Variants in PLS1 observed in about 807,000 individuals in gnomAD.
The protein encoded by PLS1 is plastin-1.
A neutral mutation model predicts 73.7 loss-of-function variants in PLS1; 32 were observed. The observed-to-expected ratio is 0.43, with a 90% CI of 0.33 to 0.58. The LOEUF (loss-of-function observed/expected upper bound fraction) is 0.58, where lower values mean the gene tolerates loss of function less well. Ranked by LOEUF, PLS1 falls within the 20% of genes least tolerant of loss-of-function variation. The pLI is 0.04. For synonymous variants in PLS1, 217 were observed against 261.3 expected, an observed-to-expected ratio of 0.83 and a Z score of 1.63; for missense variants, 633 against 740.5, an observed-to-expected ratio of 0.85 and a Z score of 1.68.
chr3:142,660,189 A>G (rs1175290480), intron 1 of PLS1, among the ~76,000 whole-genome samples: 1 of 152,188 alleles, frequency 6.6e-6, no homozygotes, highest in African/African-American at 2.4e-5. Context: ...CTGAATTGCC[A>G]TGAGACTAAC....
At chr3:142,626,241 C>A (rs968926606) in intron 1 of PLS1, among the ~76,000 whole-genome samples, 1 of 152,130 alleles carries the variant, frequency 6.6e-6, no homozygotes, top group Non-Finnish European at 1.5e-5. Flanking sequence ...GATGGAAAAT[C>A]AGGAAGCGAG....
chr3:142,694,540 T>G lies in PLS1; in HGVS notation c.1249T>G (p.Leu417Val). Residue 417 changes from leucine to valine, a missense_variant, in exon 11 of 16, where the codon TTG becomes GTG. Physicochemically the swap from Leu to Val is conservative, Grantham distance 32 (BLOSUM62 1). Coordinates refer to ENST00000457734, the MANE Select transcript of PLS1 (RefSeq NM_001145319.2). The part of the protein sequence containing the change: ...SLGVNPYINH[L>V]YSDLADALVI... ...GGGAGTCAACCCATACATTAATCAT[T>G]TGTACAGGTAAATATTTTATTGTGC... is the stretch of plus-strand genomic sequence containing the variant. 1 of 1,569,800 alleles carries G rather than the reference T, an allele frequency of 6.4e-7. No individual in the cohort carries two copies. The highest frequency in any genetic ancestry group is 8.8e-7 in the Non-Finnish European group (1 of 1,140,294).
rs193040686 is a variant in PLS1, at chr3:142,700,532, C to T, written c.1371+2465C>T. The stretch of plus-strand genomic sequence containing the variant: ...TACAGACGGGGTTTCACCGTGTTAG[C>T]CAGGATGGTCTTGTCTCCTGACCTC... On this transcript the variant is annotated intron_variant, in intron 12 of 15. Transcript: ENST00000457734. Among the ~76,000 whole-genome samples, 3 of 152,128 alleles carry T rather than the reference C, an allele frequency of 2.0e-5. No homozygotes were observed. In the East Asian group the frequency reaches 5.8e-4, roughly 29 times the overall value.
At chr3:142,691,208 T>C (rs1192408632) in intron 10 of PLS1, among the ~76,000 whole-genome samples, 1 of 152,058 alleles carries the variant, frequency 6.6e-6, no homozygotes, top group Non-Finnish European at 1.5e-5. Flanking sequence ...AATATATTCT[T>C]CAAAGAATAT....
chr3:142,645,299 A>T (rs575205100), intron 1 of PLS1: 1 of 152,324 alleles, frequency 6.6e-6, no homozygotes. Flanking sequence ...TTAATAGGGA[A>T]GGCCAGCGTT....
In PLS1 at chr3:142,643,031, A is replaced by G. The variant is rs553268413; in HGVS notation, c.-36-21171A>G. 9.9e-5 allele frequency among the ~76,000 whole-genome samples: 15 copies of G among 152,250 alleles called. No homozygotes were observed. The South Asian group carries it at 3.1e-3, about 32-fold the overall frequency. ...TTCTTTTGTTATTTGCTGTCTTCCT[A>G]TTGCCTCCCAAAAGAGTTGGATCTT... On this transcript the variant is annotated intron_variant, in intron 1 of 15. Transcript: ENST00000457734.
chr3:142,622,089 C>T (rs748343882), intron 1 of PLS1, among the ~76,000 whole-genome samples: 3 of 152,152 alleles, frequency 2.0e-5, no homozygotes, highest in Non-Finnish European at 4.4e-5. Flanking sequence ...CTCTGGACCA[C>T]GTGGACAGAA....
intron 1 of PLS1, among the ~76,000 whole-genome samples, chr3:142,604,892 G>A (rs1433524120): frequency 3.3e-5 from 5 of 151,724 alleles, no homozygotes; most frequent in South Asian, 2.1e-4. Flanking sequence ...CTGAGATCAC[G>A]GCACTGCATC....
intron 10 of PLS1, among the ~76,000 whole-genome samples, chr3:142,691,517 G>A (rs181453462): frequency 2.2e-4 from 33 of 152,108 alleles, no homozygotes; most frequent in Middle Eastern, 3.4e-3. Context: ...CAACTTGCTC[G>A]CTTTCTTATT....
intron 14 of PLS1, among the ~76,000 whole-genome samples, chr3:142,711,123 T>A (rs975129883): frequency 4.6e-5 from 7 of 152,174 alleles, no homozygotes; most frequent in Non-Finnish European, 8.8e-5. Context: ...CTGAAAAATA[T>A]TAAGGGAAGG....
chr3:142,640,726 G>T (rs1346476405), intron 1 of PLS1, among the ~76,000 whole-genome samples: 3 of 152,134 alleles, frequency 2.0e-5, no homozygotes, highest in African/African-American at 4.8e-5. Context: ...GTGTGGTTGG[G>T]TGGTGTCTGA....
chr3:142,614,119 AGTCAG>A (rs2036170758), intron 1 of PLS1, among the ~76,000 whole-genome samples: 1 of 152,164 alleles, frequency 6.6e-6, no homozygotes, highest in Non-Finnish European at 1.5e-5. Flanking sequence ...ACCCTCTGTG[AGTCAG>A]GCCACTTTGG....
chr3:142,619,068 G>A (rs1355255334), intron 1 of PLS1, among the ~76,000 whole-genome samples: 1 of 152,196 alleles, frequency 6.6e-6, no homozygotes, highest in Non-Finnish European at 1.5e-5. Flanking sequence ...TGATGTACAT[G>A]AGAAAATGTG....
intron 1 of PLS1, among the ~76,000 whole-genome samples, chr3:142,651,893 G>A (rs2108640413): frequency 1.3e-5 from 2 of 152,366 alleles, no homozygotes; most frequent in South Asian, 4.1e-4. Flanking sequence ...GTCCACAGGA[G>A]TTCAGCAGTG....
chr3:142,645,981 G>A (rs2036945253), intron 1 of PLS1, among the ~76,000 whole-genome samples: 2 of 152,140 alleles, frequency 1.3e-5, no homozygotes, highest in Non-Finnish European at 2.9e-5. Context: ...TGTAGGCATG[G>A]AAGGGGCTTG....
At chr3:142,661,774 A>C (rs1306833250) in intron 1 of PLS1, among the ~76,000 whole-genome samples, 1 of 152,212 alleles carries the variant, frequency 6.6e-6, no homozygotes, top group Non-Finnish European at 1.5e-5. Context: ...GATAGAACTA[A>C]GTGTTTATGA....
At chr3:142,600,293 A>G (rs1400400714) in intron 1 of PLS1, among the ~76,000 whole-genome samples, 1 of 152,152 alleles carries the variant, frequency 6.6e-6, no homozygotes. Flanking sequence ...AGGTCATGGT[A>G]GCTTAGCTTG....
rs1303424941 is a variant in PLS1, at chr3:142,712,105, A to C, written c.*98A>C. On this transcript the variant is annotated 3_prime_UTR_variant, in exon 16 of 16. Coordinates refer to ENST00000457734, the MANE Select transcript of PLS1 (RefSeq NM_001145319.2). ...GGGTGTAAAACCAGAGATTATTTGT[A>C]TGCTCAAAATAGTTATATATTCATT... 1.6e-5 allele frequency: 17 copies of C among 1,052,068 alleles called. No individual in the cohort carries two copies. Among genetic ancestry groups the C allele is most frequent in the Non-Finnish European group, 2.5e-5 (17 of 692,506 alleles). 65.2% of individuals were successfully genotyped at this position (1,052,068 alleles called of 1,614,324 possible). A position where few individuals can be genotyped will look rare whatever the true frequency, so the allele number is the denominator to read the frequency against.
chr3:142,633,785 C>T (rs577911598), intron 1 of PLS1, among the ~76,000 whole-genome samples: 7 of 152,250 alleles, frequency 4.6e-5, no homozygotes, highest in Admixed American at 1.3e-4. Context: ...GTAAACTTTA[C>T]AGTGTCTTTC....
Sources: allele counts gnomAD v4.1 joint callset (sites outside exome capture counted in the v4.1 genomes callset), GRCh38; gene constraint gnomAD v4.1.1; transcripts MANE v1.5; gene names NCBI Gene and HGNC (gene_info 2026-07-23, HGNC 2026-07-21).